Variants in MACROD2 observed in about 807,000 individuals in gnomAD.
MACROD2 encodes ADP-ribose glycohydrolase MACROD2.
In MACROD2, 36 loss-of-function variants were observed where a neutral mutation model predicts 70.4. That is an observed-to-expected ratio of 0.51 (90% confidence interval 0.39 to 0.68). MACROD2 has a LOEUF of 0.68. Among genes scored for constraint, MACROD2 ranks in the 30% least tolerant of loss-of-function variants. The pLI is 0.00. For synonymous variants in MACROD2, 172 were observed against 178.8 expected (o/e 0.96, Z 0.30); for missense variants, 496 against 538.4 (o/e 0.92, Z 0.78).
intron 5 of MACROD2, among the ~76,000 whole-genome samples, chr20:14,728,261 G>A (rs1361939241): frequency 6.6e-6 from 1 of 152,126 alleles, no homozygotes. Context: ...TTTTTACAGT[G>A]TTAATTCATA....
chr20:15,639,417 G>T (rs1380263007), intron 8 of MACROD2, among the ~76,000 whole-genome samples: 2 of 152,068 alleles, frequency 1.3e-5, no homozygotes, highest in African/African-American at 4.8e-5. Flanking sequence ...GAAATTCGAG[G>T]TCATCCTTAT....
At chr20:15,631,602 T>A (rs1600691146) in intron 8 of MACROD2, among the ~76,000 whole-genome samples, 1 of 152,252 alleles carries the variant, frequency 6.6e-6, no homozygotes, top group East Asian at 1.9e-4. Flanking sequence ...TCTTGAACCA[T>A]TACAGTACTT....
At chr20:15,814,625 CA>C (rs1300860943) in intron 8 of MACROD2, among the ~76,000 whole-genome samples, 1 of 152,204 alleles carries the variant, frequency 6.6e-6, no homozygotes, top group East Asian at 1.9e-4. Flanking sequence ...TGGTGGAACA[CA>C]AATAAGATAA....
intron 3 of MACROD2, among the ~76,000 whole-genome samples, chr20:14,366,408 G>T (rs204635): frequency 0.65 from 95,647 of 147,192 alleles, 31,723 homozygotes; most frequent in Non-Finnish European, 0.72. Flanking sequence ...TCACTCTGTC[G>T]CCAGGCTGGA....
chr20:15,588,656 A>T (rs446057), intron 8 of MACROD2, among the ~76,000 whole-genome samples: 116,205 of 152,090 alleles, frequency 0.76, 45,028 homozygotes, highest in African/African-American at 0.89. Context: ...AGTTCAAAGT[A>T]CCACAAATTT....
chr20:15,855,634 A>G (rs2064348341), intron 8 of MACROD2, among the ~76,000 whole-genome samples: 1 of 152,170 alleles, frequency 6.6e-6, no homozygotes, highest in Admixed American at 6.5e-5. Context: ...CATCCAGATC[A>G]AAAAACCAGG....
chr20:14,253,579 T>C (rs879594594), intron 3 of MACROD2, among the ~76,000 whole-genome samples: 1 of 152,130 alleles, frequency 6.6e-6, no homozygotes, highest in African/African-American at 2.4e-5. Flanking sequence ...ATAATGTCCA[T>C]ATATGTTTGA....
In MACROD2 at chr20:14,002,279, T is replaced by A; in HGVS notation, c.47-9T>A. 1 of 1,543,678 alleles carries A rather than the reference T, an allele frequency of 6.5e-7. No homozygotes were observed. Among genetic ancestry groups the A allele is most frequent in the Non-Finnish European group, 8.8e-7 (1 of 1,135,176 alleles). ...AATACAAATGGAGATTCTGCTTTTA[T>A]TTTGCAAGAACGTTTATTGAAGATG... On this transcript the variant is annotated splice_polypyrimidine_tract_variant and intron_variant, in intron 1 of 17. Transcript: ENST00000684519.
chr20:15,735,136 T>C (rs1369499349), intron 8 of MACROD2, among the ~76,000 whole-genome samples: 1 of 152,118 alleles, frequency 6.6e-6, no homozygotes, highest in Non-Finnish European at 1.5e-5. Context: ...AGTTTTTGTA[T>C]ATTTAGTAGA....
At chr20:15,796,710 G>C (rs2063677079) in intron 8 of MACROD2, among the ~76,000 whole-genome samples, 1 of 152,106 alleles carries the variant, frequency 6.6e-6, no homozygotes, top group Non-Finnish European at 1.5e-5. Context: ...ATTATCTCCT[G>C]AAAATTTCTT....
At chr20:15,018,271 C>T (rs912168952) in intron 5 of MACROD2, among the ~76,000 whole-genome samples, 16 of 152,238 alleles carry the variant, frequency 1.1e-4, no homozygotes, top group East Asian at 1.9e-4. Context: ...GGCAAAATGC[C>T]GCCAGACTCT....
At chr20:14,737,219 C>A (rs1015723289) in intron 5 of MACROD2, among the ~76,000 whole-genome samples, 15 of 152,212 alleles carry the variant, frequency 9.9e-5, no homozygotes, top group African/African-American at 3.4e-4. Flanking sequence ...TTTTCTGTTT[C>A]TCTGTTTGTT....
intron 6 of MACROD2, among the ~76,000 whole-genome samples, chr20:15,301,616 T>G (rs1568705282): frequency 3.9e-5 from 5 of 128,342 alleles, no homozygotes; most frequent in African/African-American, 6.1e-5. Flanking sequence ...TTTTTTTTTG[T>G]AGAGACAAGA....
intron 8 of MACROD2, among the ~76,000 whole-genome samples, chr20:15,840,853 A>G (rs927229545): frequency 6.6e-6 from 1 of 152,244 alleles, no homozygotes; most frequent in Non-Finnish European, 1.5e-5. Context: ...TACCCACATT[A>G]GTTAAATTAT....
chr20:14,667,652 C>G (rs1243499713), intron 4 of MACROD2, among the ~76,000 whole-genome samples: 1 of 152,062 alleles, frequency 6.6e-6, no homozygotes, highest in Non-Finnish European at 1.5e-5. Flanking sequence ...CAAAATGGTT[C>G]TGCTGGGTAA....
chr20:15,353,034 C>T (rs3933473), intron 6 of MACROD2, among the ~76,000 whole-genome samples: 93,789 of 151,364 alleles, frequency 0.62, 29,138 homozygotes, highest in East Asian at 0.75. Flanking sequence ...AAAAAGAGCC[C>T]GCATTGCCAA....
intron 5 of MACROD2, among the ~76,000 whole-genome samples, chr20:15,097,470 A>G (rs983772657): frequency 9.2e-5 from 14 of 152,226 alleles, no homozygotes; most frequent in African/African-American, 3.1e-4. Context: ...CTAATATAGC[A>G]TAACAGATGT....
chr20:14,010,934 G>A (rs556892460), intron 2 of MACROD2, among the ~76,000 whole-genome samples: 30 of 152,196 alleles, frequency 2.0e-4, no homozygotes, highest in South Asian at 1.2e-3. Flanking sequence ...GGTTTTCATG[G>A]CTTTTTCTAT....
At chr20:15,235,635 A>G (rs1379843067) in intron 6 of MACROD2, among the ~76,000 whole-genome samples, 2 of 152,222 alleles carry the variant, frequency 1.3e-5, no homozygotes, top group Non-Finnish European at 2.9e-5. Context: ...TTCTTATACA[A>G]GTTCCCTTCT....
Sources: gnomAD v4.1 joint callset for allele counts (sites outside exome capture counted in the v4.1 genomes callset) on GRCh38, gnomAD v4.1.1 for gene constraint, MANE v1.5 for transcripts, NCBI Gene and HGNC (gene_info 2026-07-23, HGNC 2026-07-21) for gene names.